NGEF: variants seen among roughly 807,000 people sequenced by gnomAD.
NGEF encodes the protein ephexin-1.
Under a neutral mutation model 80.9 loss-of-function variants are expected in NGEF, and 31 were observed. The ratio of observed to expected loss-of-function variants is 0.38; its 90% confidence interval spans 0.29 to 0.52. The LOEUF is 0.52. Among genes scored for constraint, NGEF ranks in the 20% least tolerant of loss-of-function variants. The probability of loss-of-function intolerance (pLI) is 0.84; values close to 1 mark genes in which losing one functional copy is unlikely to be tolerated. For synonymous variants in NGEF, 371 were observed against 370.2 expected, an observed-to-expected ratio of 1.00 and a Z score of -0.03; for missense variants, 709 against 926.2, an observed-to-expected ratio of 0.77 and a Z score of 3.04.
intron 3 of NGEF, among the ~76,000 whole-genome samples, chr2:232,928,807 A>G (rs11685503): frequency 0.13 from 19,466 of 151,754 alleles, 1,403 homozygotes; most frequent in South Asian, 0.28. Context: ...AGTGCCCGAA[A>G]CCTCTCCTGG....
chr2:232,953,301 C>CAAAAAAAAA (rs57652494), intron 3 of NGEF, among the ~76,000 whole-genome samples: 15 of 91,166 alleles, frequency 1.6e-4, no homozygotes, highest in South Asian at 4.6e-4. Context: ...GACTCTGTGT[C>CAAAAAAAAA]AAAAAAAAAA....
chr2:232,969,886 G>A (rs974541088), intron 3 of NGEF, among the ~76,000 whole-genome samples: 3 of 151,634 alleles, frequency 2.0e-5, no homozygotes, highest in African/African-American at 7.3e-5. Flanking sequence ...AGTAACAATA[G>A]TTTTTTTGTT....
chr2:232,894,707 G>A, intron 6 of NGEF, 49 bp downstream of exon 6: 1 of 1,486,866 alleles, frequency 6.7e-7, no homozygotes, highest in Non-Finnish European at 9.1e-7. Context: ...CATGTGCCCT[G>A]GGGATGAAGA....
At chr2:232,984,258 A>T (rs1485299229) in intron 1 of NGEF, among the ~76,000 whole-genome samples, 19 of 145,392 alleles carry the variant, frequency 1.3e-4, no homozygotes, top group African/African-American at 3.8e-4. Flanking sequence ...TTAATTTTCA[A>T]TTTTTTTTTT....
rs6741408 is a variant in NGEF, at chr2:232,882,592, C to T, written c.1758-327G>A. On this transcript the variant is annotated intron_variant, in intron 12 of 14. Coordinates refer to ENST00000264051, the MANE Select transcript of NGEF (RefSeq NM_019850.3). ...AGAGCACATTCCGTGGCCACAGCCA[C>T]GCCACCAAAGCCACAGTTTCTCATC... 5.0e-3 allele frequency among the ~76,000 whole-genome samples: 763 copies of T among 152,386 alleles called. 4 individuals carry two copies. Among genetic ancestry groups the T allele is most frequent in the African/African-American group, 0.018 (733 of 41,592 alleles).
At chr2:233,000,359 A>G (rs989233696) in intron 1 of NGEF, among the ~76,000 whole-genome samples, 16 of 152,110 alleles carry the variant, frequency 1.1e-4, no homozygotes, top group Non-Finnish European at 1.8e-4. Context: ...GGCCTCCCAA[A>G]GTGCTGGGAT....
chr2:233,002,853 G>T (rs1002075768), intron 1 of NGEF, among the ~76,000 whole-genome samples: 1 of 152,196 alleles, frequency 6.6e-6, no homozygotes, highest in African/African-American at 2.4e-5. Context: ...GAACTTTAAT[G>T]AAATACAGAT....
At chr2:232,881,020 G>A in intron 14 of NGEF, 126 bp downstream of exon 14, 1 of 723,382 alleles carries the variant, frequency 1.4e-6, no homozygotes, top group South Asian at 1.6e-5. Context: ...GAATGTCTCA[G>A]GGAGCAAGAG....
rs780880266 is a variant in NGEF, at chr2:232,927,139, G to C, written c.431C>G (p.Pro144Arg). The C allele has an allele frequency of 8.7e-6, 14 of 1,611,280 alleles. No individual in the cohort carries two copies. In the East Asian group the frequency reaches 2.5e-4, roughly 28 times the overall value. The stretch of plus-strand genomic sequence containing the variant: ...CGTGGTGGGGCTGTCGGCCAGGGCC[G>C]GCCACTCCTCGGGCGTGGCCCCATT... ...PGNGATPEEWPALADSPTTLT... is the reference protein window; with the variant it reads ...PGNGATPEEWRALADSPTTLT... The change falls in exon 4 of 15, where the codon CCG becomes CGG. Residue 144 changes from proline to arginine, a missense_variant. Physicochemically the swap from Pro to Arg is moderately radical, Grantham distance 103. This residue lies in a region of NGEF where 283 missense variants were observed against 303.4 expected (regional missense o/e 0.93). Coordinates refer to ENST00000264051, the MANE Select transcript of NGEF (RefSeq NM_019850.3).
chr2:232,901,858 G>A (rs201123780), intron 5 of NGEF, among the ~76,000 whole-genome samples: 24 of 152,362 alleles, frequency 1.6e-4, no homozygotes, highest in East Asian at 9.7e-4. Context: ...GGACGTCGCC[G>A]TGACACCTCA....
intron 3 of NGEF, among the ~76,000 whole-genome samples, chr2:232,961,050 G>T (rs1371816123): frequency 1.3e-5 from 2 of 152,114 alleles, no homozygotes; most frequent in African/African-American, 4.8e-5. Flanking sequence ...ACTGCTGGTT[G>T]GTATACCAAA....
At chr2:233,000,235 A>G (rs763000597) in intron 1 of NGEF, among the ~76,000 whole-genome samples, 55 of 152,172 alleles carry the variant, frequency 3.6e-4, no homozygotes, top group Non-Finnish European at 1.8e-4. Context: ...AGCTGGGACT[A>G]TAGGCATACA....
At chr2:232,925,125 G>A (rs557406891) in intron 4 of NGEF, among the ~76,000 whole-genome samples, 16 of 152,282 alleles carry the variant, frequency 1.1e-4, no homozygotes, top group African/African-American at 2.9e-4. Context: ...ACCTGTAAAG[G>A]CTTGCACTTG....
intron 3 of NGEF, among the ~76,000 whole-genome samples, chr2:232,930,947 G>A (rs1693204306): frequency 6.6e-6 from 1 of 152,194 alleles, no homozygotes; most frequent in Admixed American, 6.5e-5. Flanking sequence ...ATCTCAATCA[G>A]GTGTGGGTGA....
intron 1 of NGEF, among the ~76,000 whole-genome samples, chr2:233,003,340 T>C (rs999922015): frequency 6.6e-5 from 10 of 152,210 alleles, no homozygotes; most frequent in African/African-American, 2.4e-4. Context: ...TTCCCTCTGA[T>C]GTCGATCCCA....
chr2:232,954,339 G>A (rs886753417), intron 3 of NGEF, among the ~76,000 whole-genome samples: 1 of 152,096 alleles, frequency 6.6e-6, no homozygotes, highest in Non-Finnish European at 1.5e-5. Flanking sequence ...CCCAGCCCTG[G>A]AGTTATTGTC....
intron 3 of NGEF, chr2:232,928,237 GCCGGGCGGCGGCGGGGCGGGGGCGC>G: frequency 2.1e-6 from 2 of 933,872 alleles, no homozygotes; most frequent in Non-Finnish European, 2.5e-6. Context: ...CGGGGGCGAG[GCCGGGCGGCGGCGGGGCGGGGGCGC>G]CCGGGCTGGG....
At chr2:232,929,036 G>C (rs1693161042) in intron 3 of NGEF, among the ~76,000 whole-genome samples, 1 of 152,192 alleles carries the variant, frequency 6.6e-6, no homozygotes, top group African/African-American at 2.4e-5. Context: ...CCTCGCGAAG[G>C]CCCCTGGCGC....
At chr2:232,921,507 A>T (rs1230850335) in intron 4 of NGEF, among the ~76,000 whole-genome samples, 2 of 152,182 alleles carry the variant, frequency 1.3e-5, no homozygotes, top group Non-Finnish European at 2.9e-5. Context: ...GCTGGAGGGC[A>T]GTGGTGCAAT....
Sources: allele counts gnomAD v4.1 joint callset (sites outside exome capture counted in the v4.1 genomes callset), GRCh38; gene constraint gnomAD v4.1.1; regional missense constraint gnomAD v4.1.1; transcripts MANE v1.5; gene names NCBI Gene and HGNC (gene_info 2026-07-23, HGNC 2026-07-21).